MAN2A1: variants seen among roughly 807,000 people sequenced by gnomAD.
The protein encoded by MAN2A1 is alpha-mannosidase 2.
Under a neutral mutation model 142.6 loss-of-function variants are expected in MAN2A1, and 76 were observed. The observed-to-expected ratio is 0.53, with a 90% CI of 0.44 to 0.65. The LOEUF (loss-of-function observed/expected upper bound fraction) is 0.65, where lower values mean the gene tolerates loss of function less well. Ranked by LOEUF, MAN2A1 falls within the 30% of genes least tolerant of loss-of-function variation. MAN2A1 has a pLI of 0.00. For synonymous variants in MAN2A1, 559 were observed against 473.2 expected, an observed-to-expected ratio of 1.18 and a Z score of -2.35; for missense variants, 1,311 against 1,365.1, an observed-to-expected ratio of 0.96 and a Z score of 0.62.
At chr5:109,822,610 T>G (rs570816839) in intron 15 of MAN2A1, among the ~76,000 whole-genome samples, 4 of 152,164 alleles carry the variant, frequency 2.6e-5, no homozygotes, top group Non-Finnish European at 4.4e-5. Context: ...TTAAGCATTT[T>G]AATAACTCCA....
chr5:109,735,212 T>G (rs1752053004), intron 4 of MAN2A1, among the ~76,000 whole-genome samples: 1 of 152,082 alleles, frequency 6.6e-6, no homozygotes, highest in African/African-American at 2.4e-5. Context: ...TTTTTTTGTT[T>G]TCCATTTGCT....
chr5:109,817,487 C>G (rs1229767003), intron 13 of MAN2A1, 49 bp downstream of exon 13: 1 of 1,570,688 alleles, frequency 6.4e-7, no homozygotes, highest in Admixed American at 1.7e-5. Flanking sequence ...ACAAACCTAG[C>G]CAGTATATAA....
chr5:109,692,969 A>C (rs897007942), intron 1 of MAN2A1, among the ~76,000 whole-genome samples: 2 of 152,056 alleles, frequency 1.3e-5, no homozygotes, highest in African/African-American at 2.4e-5. Flanking sequence ...ATCTGACAGG[A>C]GGTGGAGCTC....
chr5:109,744,441 A>G (rs1162375039), intron 4 of MAN2A1, among the ~76,000 whole-genome samples: 1 of 152,072 alleles, frequency 6.6e-6, no homozygotes, highest in Non-Finnish European at 1.5e-5. Flanking sequence ...TAACAAGGGC[A>G]TGTTTGAACA....
At chr5:109,705,285 T>A (rs1751098783) in intron 1 of MAN2A1, among the ~76,000 whole-genome samples, 1 of 152,214 alleles carries the variant, frequency 6.6e-6, no homozygotes, top group African/African-American at 2.4e-5. Flanking sequence ...TGGCTTAAAA[T>A]TTTTTAATTG....
At chr5:109,731,219 G>A (rs1751896676) in intron 4 of MAN2A1, among the ~76,000 whole-genome samples, 1 of 149,890 alleles carries the variant, frequency 6.7e-6, no homozygotes, top group African/African-American at 2.4e-5. Context: ...TCTTAGGAAT[G>A]TTGGAATTCT....
In MAN2A1 at chr5:109,788,279, C is replaced by T. The variant is rs139160777; in HGVS notation, c.1761-655C>T. On this transcript the variant is annotated intron_variant, in intron 10 of 21. Coordinates refer to ENST00000261483, the MANE Select transcript of MAN2A1 (RefSeq NM_002372.4). Reference sequence around the variant, plus strand: ...TCCATGAGTAATGCTTCAGCAGTAGCGGATGTATTTCAGAATTGGTCTGGA... The same window carrying T: ...TCCATGAGTAATGCTTCAGCAGTAGTGGATGTATTTCAGAATTGGTCTGGA... 1.4e-3 allele frequency among the ~76,000 whole-genome samples: 211 copies of T among 150,798 alleles called. 1 individual carries two copies. Among genetic ancestry groups the T allele is most frequent in the African/African-American group, 4.9e-3 (201 of 41,186 alleles).
chr5:109,740,019 A>G (rs1288725516), intron 4 of MAN2A1, among the ~76,000 whole-genome samples: 1 of 152,090 alleles, frequency 6.6e-6, no homozygotes, highest in Non-Finnish European at 1.5e-5. Flanking sequence ...CTGTAATAAG[A>G]TCCCTGTGTT....
chr5:109,731,362 TTTATTA>T (rs748444692), intron 4 of MAN2A1, among the ~76,000 whole-genome samples: 83 of 118,846 alleles, frequency 7.0e-4, no homozygotes, highest in East Asian at 3.3e-3. Context: ...GTTTCTTTTT[TTTATTA>T]TTATTATTAT....
intron 4 of MAN2A1, among the ~76,000 whole-genome samples, chr5:109,738,321 G>A (rs558112502): frequency 6.1e-5 from 9 of 148,450 alleles, no homozygotes; most frequent in East Asian, 4.0e-4. Flanking sequence ...CTTCCCGAAC[G>A]TCTACTATGG....
intron 4 of MAN2A1, among the ~76,000 whole-genome samples, chr5:109,741,451 A>G (rs1205636504): frequency 6.6e-6 from 1 of 152,198 alleles, no homozygotes; most frequent in Non-Finnish European, 1.5e-5. Flanking sequence ...GCTTGTACTA[A>G]GTGGCATTAC....
chr5:109,690,943 C>G (rs1196120801), intron 1 of MAN2A1, among the ~76,000 whole-genome samples: 1 of 152,122 alleles, frequency 6.6e-6, no homozygotes. Flanking sequence ...CAGGGTTAAG[C>G]CGCCCGCACC....
At chr5:109,692,585 A>C (rs1428996280) in intron 1 of MAN2A1, among the ~76,000 whole-genome samples, 3 of 152,164 alleles carry the variant, frequency 2.0e-5, no homozygotes, top group African/African-American at 7.2e-5. Flanking sequence ...CCAAGATCAC[A>C]CAGCTGCAAG....
chr5:109,805,578 G>A (rs910083795), intron 12 of MAN2A1, among the ~76,000 whole-genome samples: 5 of 152,076 alleles, frequency 3.3e-5, no homozygotes, highest in East Asian at 1.9e-4. Context: ...TGGAATTTCC[G>A]GAGCACAGTG....
chr5:109,847,358 G>GA (rs1755368811), intron 18 of MAN2A1, among the ~76,000 whole-genome samples: 1 of 152,086 alleles, frequency 6.6e-6, no homozygotes, highest in East Asian at 1.9e-4. Flanking sequence ...TAATGTTTTG[G>GA]AAAAAAAGTT....
intron 1 of MAN2A1, among the ~76,000 whole-genome samples, chr5:109,701,996 A>G (rs904498715): frequency 6.6e-6 from 1 of 152,220 alleles, no homozygotes; most frequent in African/African-American, 2.4e-5. Context: ...TCTGGTAGTC[A>G]TCAGCATAGC....
intron 5 of MAN2A1, among the ~76,000 whole-genome samples, chr5:109,766,611 G>T (rs915799187): frequency 3.9e-5 from 6 of 152,050 alleles, no homozygotes; most frequent in Non-Finnish European, 1.5e-5. Context: ...CTGCAAACTA[G>T]AGTCAAGATC....
rs1260581847 is a variant in MAN2A1 at position 109,833,293 on chromosome 5, C to T, written c.2567-9035C>T. Among the ~76,000 whole-genome samples the T allele has an allele frequency of 3.9e-5, 6 of 152,190 alleles. No individual in the cohort carries two copies. The East Asian group carries it at 7.8e-4, about 20-fold the overall frequency. ...GGCGGCCGGGCAGAGGCTGCAATCT[C>T]GGCACTTTGGGAGGCCAAGGCAGGC... On this transcript the variant is annotated intron_variant, in intron 16 of 21. Transcript: ENST00000261483.
At position 109,820,335 on chromosome 5, in the gene MAN2A1, A is replaced by G; in HGVS notation, c.2444A>G (p.Asn815Ser). The change falls in exon 15 of 22, where the codon AAT (asparagine) becomes AGT (serine). Residue 815 changes from asparagine (N) to serine (S), a missense_variant. Physicochemically the swap from Asn to Ser is conservative, Grantham distance 46 (BLOSUM62 1). Transcript: ENST00000261483. ...SGAYLFLPDG[N>S]AKPYVYTTPP... Reference sequence around the variant, plus strand: ...GCCTACCTCTTCTTACCTGATGGTAATGCCAAGGTAAGTGGTACTGATGAG... The same window carrying G: ...GCCTACCTCTTCTTACCTGATGGTAGTGCCAAGGTAAGTGGTACTGATGAG... 1.9e-6 allele frequency: 3 copies of G among 1,612,710 alleles called. No homozygotes were observed. In the South Asian group the frequency reaches 3.3e-5, roughly 18 times the overall value.
Sources: allele counts gnomAD v4.1 joint callset (sites outside exome capture counted in the v4.1 genomes callset), GRCh38; gene constraint gnomAD v4.1.1; transcripts MANE v1.5; gene names NCBI Gene and HGNC (gene_info 2026-07-23, HGNC 2026-07-21).